Variants in ZMYND11 observed in about 807,000 individuals in gnomAD.
The protein encoded by ZMYND11 is zinc finger MYND-type containing 11, also known as zinc finger MYND domain-containing protein 11.
A neutral mutation model predicts 84.9 loss-of-function variants in ZMYND11; 9 were observed. The ratio of observed to expected loss-of-function variants is 0.11; its 90% CI spans 0.06 to 0.18. The LOEUF is 0.18. ZMYND11 is among the 10% of genes least tolerant of loss of function. ZMYND11 has a pLI of 1.00. For missense variants in ZMYND11, 409 were observed against 761.0 expected (o/e 0.54, Z 5.44); for synonymous variants, 250 against 244.1 (o/e 1.02, Z -0.23).
chr10:179,060 A>G (rs550497840), intron 1 of ZMYND11, among the ~76,000 whole-genome samples: 4 of 152,334 alleles, frequency 2.6e-5, no homozygotes, highest in South Asian at 2.1e-4. Context: ...TTCACTGTAT[A>G]TTTAAGAACC....
At chr10:167,123 T>G (rs1180918906) in intron 1 of ZMYND11, among the ~76,000 whole-genome samples, 2 of 152,014 alleles carry the variant, frequency 1.3e-5, no homozygotes, top group East Asian at 3.9e-4. Flanking sequence ...TGGTCTGTAG[T>G]TTGGGGTGAT....
intron 11 of ZMYND11, among the ~76,000 whole-genome samples, 199 bp downstream of exon 11, chr10:247,172 A>G (rs1034336398): frequency 1.3e-5 from 2 of 152,240 alleles, no homozygotes; most frequent in African/African-American, 2.4e-5. Flanking sequence ...TGACCCTGCC[A>G]GTACCAAGAG....
At chr10:150,846 A>C (rs2131317434) in intron 1 of ZMYND11, among the ~76,000 whole-genome samples, 1 of 152,326 alleles carries the variant, frequency 6.6e-6, no homozygotes, top group South Asian at 2.1e-4. Flanking sequence ...GCAGGGGCAG[A>C]CTGACACCTC....
At position 242,155 on chromosome 10, in the gene ZMYND11, A is replaced by C; in HGVS notation, c.950+16A>C. 2 of 1,613,880 alleles carry C rather than the reference A, an allele frequency of 1.2e-6. No homozygotes were observed. The highest frequency in any genetic ancestry group is 1.6e-4 in the Middle Eastern group (1 of 6,062). On this transcript the variant is annotated intron_variant, in intron 10 of 14. Coordinates refer to ENST00000381604, the MANE Select transcript of ZMYND11 (RefSeq NM_001370100.5). ...ACCACCAGAGGTAATTTGTGATCCC[A>C]TGTTCAGCGGTCACAGCTGTGCTTA... is the stretch of plus-strand genomic sequence containing the variant.
chr10:194,735 A>T (rs1425474147), intron 2 of ZMYND11, among the ~76,000 whole-genome samples: 1 of 152,058 alleles, frequency 6.6e-6, no homozygotes, highest in Non-Finnish European at 1.5e-5. Context: ...TCCTTTGCCC[A>T]TTTTTTTATG....
intron 1 of ZMYND11, among the ~76,000 whole-genome samples, chr10:136,634 T>C (rs1240915154): frequency 6.6e-6 from 1 of 151,924 alleles, no homozygotes; most frequent in Non-Finnish European, 1.5e-5. Context: ...TATATACGAG[T>C]GTATGTAGTA....
At chr10:141,939 A>G (rs1554754099) in intron 1 of ZMYND11, among the ~76,000 whole-genome samples, 1 of 152,228 alleles carries the variant, frequency 6.6e-6, no homozygotes, top group Non-Finnish European at 1.5e-5. Flanking sequence ...TAAAAAGGCT[A>G]TTTTTAAAAA....
At chr10:162,984 G>A (rs1554762445) in intron 1 of ZMYND11, among the ~76,000 whole-genome samples, 1 of 152,078 alleles carries the variant, frequency 6.6e-6, no homozygotes. Context: ...CCTGTTTCCT[G>A]GACAAGGCAA....
intron 4 of ZMYND11, among the ~76,000 whole-genome samples, chr10:224,250 T>TA (rs1947687749): frequency 6.6e-6 from 1 of 152,196 alleles, no homozygotes; most frequent in Non-Finnish European, 1.5e-5. Context: ...AGCTTTATCT[T>TA]ACGTATCTAT....
At chr10:195,573 A>G (rs1008587891) in intron 2 of ZMYND11, among the ~76,000 whole-genome samples, 1 of 152,220 alleles carries the variant, frequency 6.6e-6, no homozygotes, top group African/African-American at 2.4e-5. Flanking sequence ...ATTACAAAAG[A>G]ATACATGCAG....
chr10:139,009 T>C (rs1416358634), intron 1 of ZMYND11, among the ~76,000 whole-genome samples: 11 of 152,042 alleles, frequency 7.2e-5, no homozygotes, highest in Admixed American at 1.3e-4. Flanking sequence ...ATTTTTCTAT[T>C]TCACCATGCC....
At chr10:131,820 T>C (rs540551679), upstream of ZMYND11, among the ~76,000 whole-genome samples, 6 of 152,280 alleles carry the variant, frequency 3.9e-5, no homozygotes, top group African/African-American at 1.4e-4. Context: ...GAGCCACTAT[T>C]CCTGGCTGAA....
chr10:151,298 A>T lies in ZMYND11; in HGVS notation c.-20+15739A>T, dbSNP rs578080813. Reference sequence around the variant, plus strand: ...AAGGAGGAAGTTCGAACCCATCGCAAAGAAGCTAAAAACCTTGAAAAAAGA... The same window carrying T: ...AAGGAGGAAGTTCGAACCCATCGCATAGAAGCTAAAAACCTTGAAAAAAGA... On this transcript the variant is annotated intron_variant, in intron 1 of 14. Coordinates refer to ENST00000381604, the MANE Select transcript of ZMYND11 (RefSeq NM_001370100.5). Among the ~76,000 whole-genome samples, 4 of 152,336 alleles carry T rather than the reference A, an allele frequency of 2.6e-5. No individual in the cohort carries two copies. The South Asian group carries it at 8.3e-4, about 32-fold the overall frequency.
chr10:213,014 A>C (rs1945526199), intron 3 of ZMYND11, among the ~76,000 whole-genome samples: 1 of 152,128 alleles, frequency 6.6e-6, no homozygotes, highest in Non-Finnish European at 1.5e-5. Flanking sequence ...TGCCCTGATA[A>C]CACTCTAGGA....
chr10:216,728 T>C (rs894423762), intron 3 of ZMYND11, among the ~76,000 whole-genome samples: 11 of 152,194 alleles, frequency 7.2e-5, no homozygotes, highest in Non-Finnish European at 1.5e-4. Context: ...AATACTTTCC[T>C]TCTTATTCAA....
At chr10:136,363 T>C (rs1443767886) in intron 1 of ZMYND11, among the ~76,000 whole-genome samples, 4 of 152,206 alleles carry the variant, frequency 2.6e-5, no homozygotes, top group African/African-American at 7.2e-5. Flanking sequence ...GTGACCGCCG[T>C]ACCTGTTTTA....
chr10:186,662 A>G (rs1483730352), intron 2 of ZMYND11, among the ~76,000 whole-genome samples: 5 of 24,464 alleles, frequency 2.0e-4, no homozygotes, highest in African/African-American at 4.5e-4. Context: ...AAAAAAAAAA[A>G]AAAAAAAAAA....
chr10:185,265 C>T (rs946743771), intron 2 of ZMYND11, among the ~76,000 whole-genome samples: 40 of 152,060 alleles, frequency 2.6e-4, no homozygotes, highest in African/African-American at 9.2e-4. Context: ...GTAAGGGTCT[C>T]GATACCAATC....
chr10:235,432 T>G (rs1949785038), intron 4 of ZMYND11, among the ~76,000 whole-genome samples: 1 of 151,928 alleles, frequency 6.6e-6, no homozygotes, highest in Non-Finnish European at 1.5e-5. Context: ...AAAAAAAGAT[T>G]ATAAACCCAG....
Sources: gnomAD v4.1 joint callset for allele counts (sites outside exome capture counted in the v4.1 genomes callset) on GRCh38, gnomAD v4.1.1 for gene constraint, MANE v1.5 for transcripts, NCBI Gene and HGNC (gene_info 2026-07-23, HGNC 2026-07-21) for gene names.